SUCO: variants seen among roughly 807,000 people sequenced by gnomAD.
SUCO encodes the protein SUN domain containing ossification factor, also known as SUN domain-containing ossification factor.
SUCO carries 57 observed loss-of-function variants against 148.1 expected under a neutral mutation model. That is an observed-to-expected ratio of 0.38 (90% CI 0.31 to 0.48). SUCO has a LOEUF of 0.48. SUCO is among the 20% of genes least tolerant of loss of function. The probability of loss-of-function intolerance (pLI) is 0.96; values close to 1 mark genes in which losing one functional copy is unlikely to be tolerated. For missense variants in SUCO, 1,331 were observed against 1,468.2 expected (o/e 0.91, Z 1.53); for synonymous variants, 470 against 502.7 (o/e 0.93, Z 0.87).
chr1:172,601,904 A>T, intron 20 of SUCO, 160 bp from the exon 21 acceptor site: 1 of 304,632 alleles, frequency 3.3e-6, no homozygotes, highest in Non-Finnish European at 4.8e-6. Context: ...TTTTTTCTTT[A>T]ATGTCATAGT....
intron 1 of SUCO, among the ~76,000 whole-genome samples, chr1:172,549,479 G>T (rs1653115497): frequency 6.6e-6 from 1 of 151,876 alleles, no homozygotes; most frequent in African/African-American, 2.4e-5. Context: ...AAGATAGCTG[G>T]TTCAGTAATT....
intron 19 of SUCO, among the ~76,000 whole-genome samples, chr1:172,599,727 A>ATATT (rs1250182813): frequency 1.3e-5 from 2 of 152,188 alleles, no homozygotes; most frequent in African/African-American, 4.8e-5. Context: ...GACTTCTTAA[A>ATATT]TATTTCTGGT....
intron 7 of SUCO, 55 bp from the exon 8 acceptor site, chr1:172,569,992 C>T (rs1368123527): frequency 3.8e-6 from 5 of 1,299,494 alleles, no homozygotes; most frequent in Non-Finnish European, 4.9e-6. Flanking sequence ...GAGGTATTTT[C>T]AGTCATAATC....
chr1:172,557,872 C>A (rs1653865785), intron 6 of SUCO, 78 bp downstream of exon 6: 1 of 1,162,236 alleles, frequency 8.6e-7, no homozygotes. Flanking sequence ...TAATAATTTG[C>A]TAACTATATT....
chr1:172,553,254 A>G lies in SUCO; in HGVS notation c.178-6A>G. The G allele has an allele frequency of 1.3e-6, 2 of 1,570,912 alleles. No homozygotes were observed. The highest frequency in any genetic ancestry group is 1.7e-6 in the Non-Finnish European group (2 of 1,154,430). On this transcript the variant is annotated splice_polypyrimidine_tract_variant and splice_region_variant and intron_variant, in intron 2 of 23. Coordinates refer to ENST00000263688, the MANE Select transcript of SUCO (RefSeq NM_014283.5). ...TCAGGTGATTTTTGTTGTTGTTGTTATATAGGATGAAAGAGAGGGACCTAT... is the reference window on the plus strand; with the variant it reads ...TCAGGTGATTTTTGTTGTTGTTGTTGTATAGGATGAAAGAGAGGGACCTAT...
At chr1:172,562,230 G>A (rs2149238597) in intron 6 of SUCO, among the ~76,000 whole-genome samples, 1 of 151,264 alleles carries the variant, frequency 6.6e-6, no homozygotes, top group South Asian at 2.1e-4. Flanking sequence ...AGAGTTAAAT[G>A]AATCTGAGAA....
At chr1:172,542,577 G>A (rs1306753580) in intron 1 of SUCO, 1 of 195,600 alleles carries the variant, frequency 5.1e-6, no homozygotes, top group Non-Finnish European at 9.3e-6. Context: ...ATTCTCATAG[G>A]AGCATGAACC....
chr1:172,602,661 G>A (rs371727530), intron 21 of SUCO, 35 bp from the exon 22 acceptor site: 12 of 1,605,752 alleles, frequency 7.5e-6, no homozygotes, highest in African/African-American at 6.7e-5. Context: ...TGCTTTACTC[G>A]TTGTAACCAA....
At position 172,561,151 on chromosome 1, in the gene SUCO, A is replaced by G. The variant is rs577066362; in HGVS notation, c.732+3357A>G. Among the ~76,000 whole-genome samples the G allele has an allele frequency of 4.6e-5, 7 of 152,376 alleles. No homozygotes were observed. The East Asian group carries it at 1.3e-3, about 29-fold the overall frequency. On this transcript the variant is annotated intron_variant, in intron 6 of 23. Coordinates refer to ENST00000263688, the MANE Select transcript of SUCO (RefSeq NM_014283.5). ...TATCTTGGCAGCTAGAGTTGTATTC[A>G]GAGCATTGCAGGGAAACTTCTGCTT...
chr1:172,544,117 C>G (rs1652696098), intron 1 of SUCO: 1 of 959,166 alleles, frequency 1.0e-6, no homozygotes, highest in South Asian at 4.8e-5. Flanking sequence ...TATTCAAAAA[C>G]TACAATTTTC....
At chr1:172,578,564 C>T in intron 14 of SUCO, 175 bp downstream of exon 14, 1 of 966,644 alleles carries the variant, frequency 1.0e-6, no homozygotes, top group Non-Finnish European at 1.2e-6. Context: ...AATATGATTG[C>T]TTTGTATTCG....
intron 17 of SUCO, chr1:172,588,194 TG>T (rs1276982812): frequency 2.0e-6 from 2 of 985,214 alleles, no homozygotes; most frequent in Admixed American, 1.2e-4. Context: ...GTGTGTTTAA[TG>T]CTGTATTGGA....
intron 15 of SUCO, 128 bp from the exon 16 acceptor site, chr1:172,584,890 G>A: frequency 1.8e-6 from 1 of 554,046 alleles, no homozygotes; most frequent in Non-Finnish European, 3.1e-6. Context: ...TTAGTTGTGA[G>A]GTGAATACAA....
At chr1:172,539,899 A>G (rs1271852048) in intron 1 of SUCO, among the ~76,000 whole-genome samples, 1 of 151,970 alleles carries the variant, frequency 6.6e-6, no homozygotes, top group Non-Finnish European at 1.5e-5. Flanking sequence ...AGCTCTGTAT[A>G]TAAGCTGCTT....
intron 1 of SUCO, among the ~76,000 whole-genome samples, chr1:172,543,267 T>A (rs1404042638): frequency 6.6e-6 from 1 of 152,238 alleles, no homozygotes; most frequent in Non-Finnish European, 1.5e-5. Context: ...CTTTTCCTAA[T>A]AGAGACTTTG....
chr1:172,603,660 T>A (rs569605703), intron 22 of SUCO, among the ~76,000 whole-genome samples: 25 of 152,154 alleles, frequency 1.6e-4, no homozygotes, highest in Admixed American at 5.2e-4. Context: ...TAATTATGTG[T>A]AAAACGTAAT....
intron 10 of SUCO, 98 bp downstream of exon 10, chr1:172,574,096 A>C: frequency 1.5e-6 from 1 of 685,026 alleles, no homozygotes; most frequent in South Asian, 1.7e-5. Context: ...ACTTCAGTCC[A>C]TTTATTTTTT....
intron 15 of SUCO, among the ~76,000 whole-genome samples, chr1:172,579,980 C>T (rs577795817): frequency 2.2e-4 from 34 of 152,092 alleles, no homozygotes; most frequent in Non-Finnish European, 3.4e-4. Flanking sequence ...AGACTAGTTG[C>T]GTGTGCTTGT....
chr1:172,603,673 A>G (rs1479613973), intron 22 of SUCO, among the ~76,000 whole-genome samples: 1 of 151,984 alleles, frequency 6.6e-6, no homozygotes, highest in Non-Finnish European at 1.5e-5. Context: ...AACGTAATGA[A>G]TTTTCACAAA....
Sources: allele counts gnomAD v4.1 joint callset (sites outside exome capture counted in the v4.1 genomes callset), GRCh38; gene constraint gnomAD v4.1.1; transcripts MANE v1.5; gene names NCBI Gene and HGNC (gene_info 2026-07-23, HGNC 2026-07-21).